THRB: variants seen among roughly 807,000 people sequenced by gnomAD.
The protein encoded by THRB is nuclear receptor subfamily 1 group A member 2.
In THRB, 12 loss-of-function variants were observed where a neutral mutation model predicts 47.8. The observed-to-expected ratio is 0.25, with a 90% confidence interval of 0.16 to 0.41. The LOEUF (loss-of-function observed/expected upper bound fraction) is 0.41, where lower values mean the gene tolerates loss of function less well. Among genes scored for constraint, THRB ranks in the 10% least tolerant of loss-of-function variants. The pLI, the probability that THRB is intolerant of heterozygous loss-of-function variation, is 1.00. For synonymous variants in THRB, 218 were observed against 212.2 expected (o/e 1.03, Z -0.24); for missense variants, 348 against 589.2 (o/e 0.59, Z 4.24).
At chr3:24,356,306 G>A (rs114542896) in intron 1 of THRB, among the ~76,000 whole-genome samples, 182 of 152,166 alleles carry the variant, frequency 1.2e-3, no homozygotes, top group South Asian at 1.9e-3. Flanking sequence ...AGGTTCCACC[G>A]GACAGTCCTA....
intron 1 of THRB, among the ~76,000 whole-genome samples, chr3:24,409,508 C>T (rs552721164): frequency 1.1e-4 from 16 of 151,800 alleles, no homozygotes; most frequent in African/African-American, 3.9e-4. Flanking sequence ...GCTGTATTAT[C>T]CTGGGCCTCT....
At chr3:24,398,578 A>G (rs1274124445) in intron 1 of THRB, among the ~76,000 whole-genome samples, 2 of 152,188 alleles carry the variant, frequency 1.3e-5, no homozygotes, top group Non-Finnish European at 2.9e-5. Flanking sequence ...TCAGGAAACA[A>G]CAGGTGCTGG....
At chr3:24,156,512 G>A (rs965410294) in intron 5 of THRB, among the ~76,000 whole-genome samples, 8 of 152,188 alleles carry the variant, frequency 5.3e-5, no homozygotes, top group African/African-American at 1.9e-4. Context: ...TTTCCAAACT[G>A]GCAAATCTTA....
intron 4 of THRB, among the ~76,000 whole-genome samples, chr3:24,213,184 G>A (rs1363246142): frequency 6.6e-6 from 1 of 152,170 alleles, no homozygotes; most frequent in African/African-American, 2.4e-5. Flanking sequence ...CACTGGACTG[G>A]GCCAAGCTGT....
At chr3:24,423,855 G>T (rs1226151664) in intron 1 of THRB, among the ~76,000 whole-genome samples, 1 of 151,760 alleles carries the variant, frequency 6.6e-6, no homozygotes, top group Non-Finnish European at 1.5e-5. Flanking sequence ...CACCACAAAA[G>T]GTTCTCAGAG....
chr3:24,419,339 G>T (rs2069029275), intron 1 of THRB, among the ~76,000 whole-genome samples: 1 of 151,782 alleles, frequency 6.6e-6, no homozygotes, highest in Admixed American at 6.6e-5. Context: ...GCCAAGCAAA[G>T]AACTTTCAGG....
chr3:24,131,206 ATG>A (rs1483426643), intron 9 of THRB, among the ~76,000 whole-genome samples: 9 of 152,206 alleles, frequency 5.9e-5, no homozygotes, highest in African/African-American at 1.2e-4. Flanking sequence ...GTATGTGTAT[ATG>A]TGTGTGTGCA....
intron 1 of THRB, chr3:24,348,863 T>C (rs1050105473): frequency 2.0e-5 from 3 of 151,936 alleles, no homozygotes; most frequent in Admixed American, 6.6e-5. Flanking sequence ...TAAAACATTA[T>C]ACTAGAAATT....
At chr3:24,436,360 A>G (rs2070949746) in intron 1 of THRB, among the ~76,000 whole-genome samples, 1 of 152,096 alleles carries the variant, frequency 6.6e-6, no homozygotes, top group Admixed American at 6.6e-5. Context: ...GAAAAGGATG[A>G]CCCAGTTTAC....
At chr3:24,429,458 G>A (rs983577546) in intron 1 of THRB, among the ~76,000 whole-genome samples, 1 of 151,992 alleles carries the variant, frequency 6.6e-6, no homozygotes, top group African/African-American at 2.4e-5. Context: ...AAGAATGAAT[G>A]AATGAATTGG....
chr3:24,217,014 T>C (rs1159214507), intron 4 of THRB, among the ~76,000 whole-genome samples: 1 of 151,348 alleles, frequency 6.6e-6, no homozygotes. Context: ...TATGGTTCCA[T>C]AGTCCTTGTA....
chr3:24,271,363 T>C (rs1299182134), intron 3 of THRB, among the ~76,000 whole-genome samples: 1 of 152,200 alleles, frequency 6.6e-6, no homozygotes, highest in Non-Finnish European at 1.5e-5. Flanking sequence ...GTAATGAAGA[T>C]AAGACTTGGA....
chr3:24,211,024 C>T (rs182738778), intron 4 of THRB, among the ~76,000 whole-genome samples: 9 of 151,996 alleles, frequency 5.9e-5, no homozygotes, highest in African/African-American at 2.2e-4. Flanking sequence ...TATAGTGAAA[C>T]CCTGTCTCTA....
chr3:24,469,598 A>ATGATTTTT (rs1191154864), intron 1 of THRB, among the ~76,000 whole-genome samples: 1 of 152,220 alleles, frequency 6.6e-6, no homozygotes, highest in Non-Finnish European at 1.5e-5. Context: ...ATCTATGAAA[A>ATGATTTTT]TGATTATTAC....
chr3:24,349,083 A>C (rs968743377), intron 1 of THRB, among the ~76,000 whole-genome samples: 1 of 152,152 alleles, frequency 6.6e-6, no homozygotes, highest in African/African-American at 2.4e-5. Flanking sequence ...AACATTTAGA[A>C]AATAAAATTC....
intron 3 of THRB, among the ~76,000 whole-genome samples, chr3:24,232,561 G>A (rs866024379): frequency 7.2e-5 from 11 of 152,086 alleles, no homozygotes; most frequent in African/African-American, 2.2e-4. Flanking sequence ...TCATCCTTGT[G>A]CTCCTAAGGC....
At chr3:24,342,564 T>C (rs2062741125) in intron 1 of THRB, among the ~76,000 whole-genome samples, 1 of 152,142 alleles carries the variant, frequency 6.6e-6, no homozygotes, top group South Asian at 2.1e-4. Flanking sequence ...TCTCCCTTCC[T>C]TCAGTCCTCC....
chr3:24,364,820 TCTC>T (rs2064339201), intron 1 of THRB, among the ~76,000 whole-genome samples: 1 of 152,174 alleles, frequency 6.6e-6, no homozygotes, highest in Non-Finnish European at 1.5e-5. Context: ...TTTGAAAACT[TCTC>T]CTAATGAGGA....
At chr3:24,416,893 G>T (rs1190136162) in intron 1 of THRB, among the ~76,000 whole-genome samples, 5 of 151,874 alleles carry the variant, frequency 3.3e-5, no homozygotes, top group African/African-American at 1.2e-4. Flanking sequence ...ACTAGATAGA[G>T]TTTATTTCTA....
Sources: allele counts gnomAD v4.1 joint callset (sites outside exome capture counted in the v4.1 genomes callset), GRCh38; gene constraint gnomAD v4.1.1; transcripts MANE v1.5; gene names NCBI Gene and HGNC (gene_info 2026-07-23, HGNC 2026-07-21).